Variants in RSF1 observed in about 807,000 individuals in gnomAD.
The protein encoded by RSF1 is remodeling and spacing factor 1.
Under a neutral mutation model 145.2 loss-of-function variants are expected in RSF1, and 13 were observed. The ratio of observed to expected loss-of-function variants is 0.09; its 90% confidence interval spans 0.06 to 0.14. The LOEUF is 0.14. Ranked by LOEUF, RSF1 falls within the 10% of genes least tolerant of loss-of-function variation. The pLI, the probability that RSF1 is intolerant of heterozygous loss-of-function variation, is 1.00. For missense variants in RSF1, 1,517 were observed against 1,718.2 expected (o/e 0.88, Z 2.07); for synonymous variants, 577 against 592.6 (o/e 0.97, Z 0.38).
intron 2 of RSF1, among the ~76,000 whole-genome samples, chr11:77,749,216 C>A (rs555009663): frequency 4.6e-5 from 7 of 152,116 alleles, no homozygotes; most frequent in African/African-American, 1.7e-4. Context: ...TAAAAGTGTT[C>A]TCAAATTAAG....
At chr11:77,710,859 C>T (rs996143834) in intron 5 of RSF1, among the ~76,000 whole-genome samples, 5 of 152,210 alleles carry the variant, frequency 3.3e-5, no homozygotes, top group South Asian at 2.1e-4. Context: ...AGGAAGGATA[C>T]GTATTTGACT....
At chr11:77,738,679 A>T (rs980940009) in intron 4 of RSF1, 2 of 150,618 alleles carry the variant, frequency 1.3e-5, no homozygotes, top group Admixed American at 6.6e-5. Context: ...TACATTAGAC[A>T]TTTTTTTTTC....
intron 5 of RSF1, among the ~76,000 whole-genome samples, chr11:77,709,046 T>C (rs1309571710): frequency 6.6e-6 from 1 of 152,212 alleles, no homozygotes; most frequent in Non-Finnish European, 1.5e-5. Context: ...TAAACCCTGG[T>C]CAGTCAATCT....
chr11:77,692,405 C>T (rs1353876499), intron 8 of RSF1, among the ~76,000 whole-genome samples: 3 of 120,830 alleles, frequency 2.5e-5, no homozygotes, highest in Non-Finnish European at 4.9e-5. Flanking sequence ...CCACTACGCC[C>T]GGCTAATTTT....
chr11:77,870,267 G>T, the RSF1 span, among the ~76,000 whole-genome samples: 2 of 146,866 alleles, frequency 1.4e-5, no homozygotes, highest in African/African-American at 5.1e-5. Flanking sequence ...ATGATCTCCC[G>T]CCTCGGCCTC....
intron 1 of RSF1, among the ~76,000 whole-genome samples, chr11:77,816,363 T>G (rs1948781810): frequency 6.6e-6 from 1 of 152,224 alleles, no homozygotes; most frequent in Non-Finnish European, 1.5e-5. Context: ...TACACACAGA[T>G]CAGTTACAGT....
chr11:77,670,161 G>T (rs759255060), intron 15 of RSF1, among the ~76,000 whole-genome samples: 1 of 152,112 alleles, frequency 6.6e-6, no homozygotes, highest in Non-Finnish European at 1.5e-5. Flanking sequence ...ATGTAAGCAG[G>T]TGGGCTCTCG....
At chr11:77,767,195 C>A (rs1948235337) in intron 1 of RSF1, among the ~76,000 whole-genome samples, 1 of 152,186 alleles carries the variant, frequency 6.6e-6, no homozygotes, top group Non-Finnish European at 1.5e-5. Context: ...TATTTCTCTT[C>A]TGTTTTAAAA....
At chr11:77,774,486 C>A (rs754482678) in intron 1 of RSF1, among the ~76,000 whole-genome samples, 7 of 151,834 alleles carry the variant, frequency 4.6e-5, no homozygotes, top group Non-Finnish European at 8.8e-5. Flanking sequence ...GCAGGAGAAT[C>A]ACTTGAACCC....
intron 4 of RSF1, among the ~76,000 whole-genome samples, chr11:77,730,242 G>C (rs978018314): frequency 1.3e-5 from 2 of 151,936 alleles, no homozygotes; most frequent in African/African-American, 2.4e-5. Context: ...TATATTAGCA[G>C]GTTTTAGATA....
intron 3 of RSF1, among the ~76,000 whole-genome samples, chr11:77,742,265 G>C (rs1243997780): frequency 2.0e-5 from 3 of 152,004 alleles, no homozygotes; most frequent in African/African-American, 4.8e-5. Flanking sequence ...CTCACAATCA[G>C]CGTGCAAGGG....
At chr11:77,717,787 T>C (rs1960850998) in intron 5 of RSF1, 1 of 152,220 alleles carries the variant, frequency 6.6e-6, no homozygotes. Flanking sequence ...TCTCCAGTCA[T>C]ATTAAAATTC....
chr11:77,779,251 A>G (rs895211946), intron 1 of RSF1, among the ~76,000 whole-genome samples: 2 of 152,164 alleles, frequency 1.3e-5, no homozygotes, highest in African/African-American at 4.8e-5. Flanking sequence ...TCTGTTACTC[A>G]GGCTGGAGTG....
At chr11:77,789,405 G>T (rs115961719) in intron 1 of RSF1, among the ~76,000 whole-genome samples, 2,148 of 152,290 alleles carry the variant, frequency 0.014, 52 homozygotes, top group African/African-American at 0.047. Context: ...TTGTCCTGGG[G>T]CCCAGTGCCA....
At chr11:77,795,852 T>A (rs551252845) in intron 1 of RSF1, among the ~76,000 whole-genome samples, 62 of 152,288 alleles carry the variant, frequency 4.1e-4, no homozygotes, top group Non-Finnish European at 6.9e-4. Context: ...GGTCCTGGAC[T>A]TTTTTTGGTT....
chr11:77,687,756 A>G (rs1960048847), intron 9 of RSF1, among the ~76,000 whole-genome samples: 1 of 152,202 alleles, frequency 6.6e-6, no homozygotes, highest in African/African-American at 2.4e-5. Context: ...TAGGAGAGAA[A>G]GTAAAGGAAC....
Position 77,702,216 on chromosome 11 carries a change from C to A in RSF1, c.1013G>T (p.Ser338Ile). The change falls in exon 6 of 16, where the codon AGT becomes ATT. Residue 338 changes from serine to isoleucine, a missense_variant. Transcript: ENST00000308488. Reference protein sequence around the residue: ...ECRADPKDTKSSMEKPVAQEP... With the variant: ...ECRADPKDTKISMEKPVAQEP... ...CTGTGCCACTGGCTTCTCCATGCTA[C>A]TTTTGGTATCTTTAGGATCTGCTCT... The A allele has an allele frequency of 1.9e-6, 3 of 1,613,918 alleles. No individual in the cohort carries two copies. Among genetic ancestry groups the A allele is most frequent in the Non-Finnish European group, 2.5e-6 (3 of 1,179,952 alleles).
chr11:77,688,275 G>A (rs1022357353), intron 9 of RSF1, among the ~76,000 whole-genome samples: 3 of 152,186 alleles, frequency 2.0e-5, no homozygotes, highest in African/African-American at 7.2e-5. Context: ...TCCAGCCTGG[G>A]TGACGGAGCA....
chr11:77,671,138 AATATATATATATATATATATATATAT>A (rs1225103987), intron 15 of RSF1, among the ~76,000 whole-genome samples: 78 of 22,046 alleles, frequency 3.5e-3, no homozygotes, highest in African/African-American at 0.011. Context: ...AAAAAAAAAA[AATATATATATATATATATATATATAT>A]ATATATATAT....
Sources: gnomAD v4.1 joint callset for allele counts (sites outside exome capture counted in the v4.1 genomes callset) on GRCh38, gnomAD v4.1.1 for gene constraint, MANE v1.5 for transcripts, NCBI Gene and HGNC (gene_info 2026-07-23, HGNC 2026-07-21) for gene names.